Variants in UPP2 observed in about 807,000 individuals in gnomAD.
The protein encoded by UPP2 is uridine phosphorylase 2.
In UPP2, 23 loss-of-function variants were observed where a neutral mutation model predicts 26.7. The ratio of observed to expected loss-of-function variants is 0.86; its 90% CI spans 0.62 to 1.22. The LOEUF (loss-of-function observed/expected upper bound fraction) is 1.22. Among genes scored for constraint, UPP2 ranks in the 50% most tolerant of loss-of-function variants. The pLI is 0.00. For synonymous variants in UPP2, 127 were observed against 141.3 expected (o/e 0.90, Z 0.72); for missense variants, 387 against 396.7 (o/e 0.98, Z 0.21).
chr2:158,010,803 T>A (rs1195941073), intron 2 of UPP2, among the ~76,000 whole-genome samples: 1 of 148,350 alleles, frequency 6.7e-6, no homozygotes, highest in Non-Finnish European at 1.5e-5. Flanking sequence ...TCTCGCTCTG[T>A]CACCCAGGCT....
chr2:158,120,939 G>T (rs1223873456), intron 4 of UPP2, among the ~76,000 whole-genome samples: 1 of 151,960 alleles, frequency 6.6e-6, no homozygotes, highest in African/African-American at 2.4e-5. Context: ...TCAGCCAAGA[G>T]CCCTGATTTA....
chr2:158,134,702 A>G, intron 6 of UPP2, 46 bp from the exon 7 acceptor site: 1 of 1,538,904 alleles, frequency 6.5e-7, no homozygotes, highest in Non-Finnish European at 8.8e-7. Context: ...TTCTATAGAA[A>G]AGATGAACCC....
chr2:158,108,297 G>A (rs1683236879), intron 2 of UPP2, among the ~76,000 whole-genome samples: 1 of 152,026 alleles, frequency 6.6e-6, no homozygotes, highest in East Asian at 1.9e-4. Context: ...AGAAAACACA[G>A]GCTCAAATAT....
chr2:158,021,116 T>C lies in UPP2; in HGVS notation c.147+5230T>C, dbSNP rs924942203. ...TTTTAAATAAAGAAAATAAAATACATAGGATTACAGAGGAAACTGTATCAA... is the reference window on the plus strand; with the variant it reads ...TTTTAAATAAAGAAAATAAAATACACAGGATTACAGAGGAAACTGTATCAA... On this transcript the variant is annotated intron_variant, in intron 3 of 9. Coordinates refer to the UPP2 transcript ENST00000605860. Among the ~76,000 whole-genome samples, 9 of 152,136 alleles carry C rather than the reference T, an allele frequency of 5.9e-5. No homozygotes were observed. In the South Asian group the frequency reaches 1.0e-3, roughly 18 times the overall value.
At chr2:158,002,700 C>G (rs1683427591) in intron 2 of UPP2, among the ~76,000 whole-genome samples, 1 of 152,218 alleles carries the variant, frequency 6.6e-6, no homozygotes, top group South Asian at 2.1e-4. Flanking sequence ...TTTTCACAGC[C>G]TTTGTCTTTC....
intron 3 of UPP2, among the ~76,000 whole-genome samples, chr2:158,043,012 T>G (rs1684102380): frequency 6.6e-6 from 1 of 152,168 alleles, no homozygotes; most frequent in South Asian, 2.1e-4. Flanking sequence ...TCACCACATC[T>G]TAAGGTAGCC....
chr2:158,038,903 C>A (rs563230136), intron 3 of UPP2, among the ~76,000 whole-genome samples: 1 of 152,162 alleles, frequency 6.6e-6, no homozygotes, highest in Admixed American at 6.5e-5. Flanking sequence ...TAGGTTCCAT[C>A]GGGGCATCCA....
At chr2:158,118,740 T>A (rs1458557562) in intron 4 of UPP2, among the ~76,000 whole-genome samples, 3 of 151,844 alleles carry the variant, frequency 2.0e-5, no homozygotes, top group Admixed American at 6.6e-5. Context: ...GGGCTGAGAT[T>A]TGGGAAGAGA....
chr2:158,010,618 G>A (rs545556579), intron 2 of UPP2, among the ~76,000 whole-genome samples: 2 of 152,250 alleles, frequency 1.3e-5, no homozygotes, highest in South Asian at 2.1e-4. Flanking sequence ...AATTTAAAAG[G>A]CCAAAAACTG....
chr2:158,115,248 C>A lies in UPP2; in HGVS notation c.328C>A (p.Leu110Ile), dbSNP rs745823382. ...RYCMYKTGPVLAISHGMGIPS... is the reference protein window; with the variant it reads ...RYCMYKTGPVIAISHGMGIPS... ...CTGTATGTACAAAACCGGGCCTGTG[C>A]TCGCCATCAGTGTAAGTATCCATGG... The change falls in exon 3 of 7, where the codon CTC becomes ATC. Residue 110 changes from leucine to isoleucine, a missense_variant. Transcript: ENST00000005756. 1 of 1,608,550 alleles carries A rather than the reference C, an allele frequency of 6.2e-7. No individual in the cohort carries two copies. The highest frequency in any genetic ancestry group is 1.1e-5 in the South Asian group (1 of 90,138).
chr2:158,116,411 TA>T (rs1233614957), intron 3 of UPP2, among the ~76,000 whole-genome samples: 3 of 152,074 alleles, frequency 2.0e-5, no homozygotes, highest in African/African-American at 7.2e-5. Context: ...AAATAAGCAG[TA>T]AAACTTCACA....
chr2:158,034,356 G>A (rs1358872402), intron 3 of UPP2, among the ~76,000 whole-genome samples: 1 of 152,174 alleles, frequency 6.6e-6, no homozygotes. Context: ...CAGAAGCCAA[G>A]GTCCTGGCTC....
At chr2:158,045,929 G>A (rs1353461820) in intron 3 of UPP2, among the ~76,000 whole-genome samples, 1 of 152,104 alleles carries the variant, frequency 6.6e-6, no homozygotes, top group East Asian at 1.9e-4. Context: ...CATGGCTGTG[G>A]AGACTAGAGG....
intron 3 of UPP2, among the ~76,000 whole-genome samples, chr2:158,087,172 T>C (rs1310784868): frequency 6.6e-6 from 1 of 152,192 alleles, no homozygotes; most frequent in Non-Finnish European, 1.5e-5. Flanking sequence ...GGCACTCCAA[T>C]GTTAGGTGCA....
In UPP2 at chr2:158,024,333, C is replaced by A. The variant is rs116241488; in HGVS notation, c.147+8447C>A. On this transcript the variant is annotated intron_variant, in intron 3 of 9. Transcript: ENST00000605860. ...GCCATTTAGAATAGCTTTCTTGCCC[C>A]CAAACTGCCAGGATATCACTACAAG... 5.8e-3 allele frequency among the ~76,000 whole-genome samples: 882 copies of A among 152,274 alleles called. 5 individuals carry two copies. Among genetic ancestry groups the A allele is most frequent in the South Asian group, 0.024 (118 of 4,828 alleles).
intron 4 of UPP2, 124 bp downstream of exon 4, chr2:158,118,062 TG>T: frequency 1.3e-6 from 1 of 761,482 alleles, no homozygotes; most frequent in Non-Finnish European, 2.2e-6. Context: ...GTCAGAAGGC[TG>T]GACTTGAGGA....
Position 158,123,795 on chromosome 2 carries a change from A to T in UPP2, c.711A>T (p.Lys237Asn). 1 of 1,614,114 alleles carries T rather than the reference A, an allele frequency of 6.2e-7. No individual in the cohort carries two copies. The highest frequency in any genetic ancestry group is 8.5e-7 in the Non-Finnish European group (1 of 1,179,952). Residue 237 changes from lysine (K) to asparagine (N), a missense_variant, in exon 6 of 7, where the codon AAA (lysine) becomes AAT (asparagine). Transcript: ENST00000005756. ...DGALCSFSRE[K>N]KLDYLKRAFK... is the part of the protein sequence containing the mutation. The stretch of plus-strand genomic sequence containing the variant: ...CACTGTGCTCCTTTTCCAGAGAAAA[A>T]AAGTTAGACTACTTGAAGAGAGCAT...
In UPP2 at chr2:158,136,070, T is replaced by A. The variant is rs1012674599; in HGVS notation, c.*1180T>A. 4.6e-5 allele frequency: 7 copies of A among 152,174 alleles called. No individual in the cohort carries two copies. The highest frequency in any genetic ancestry group is 1.7e-4 in the African/African-American group (7 of 41,434). The allele number at this position is 152,174 out of a possible 1,614,324, so 9.4% of individuals were successfully genotyped here. A position where few individuals can be genotyped will look rare whatever the true frequency, so the allele number is the denominator to read the frequency against. The stretch of plus-strand genomic sequence containing the variant: ...GGTTGAGTCTGAATTGGCCTGCTCC[T>A]GGGTGGGGAATGTCTTTCTCTTTCA... On this transcript the variant is annotated 3_prime_UTR_variant, in exon 7 of 7. Transcript: ENST00000005756.
chr2:158,007,629 CTTT>C (rs201694046), intron 2 of UPP2, among the ~76,000 whole-genome samples: 4 of 142,608 alleles, frequency 2.8e-5, no homozygotes, highest in Non-Finnish European at 3.1e-5. Context: ...CTCTCTCTCT[CTTT>C]TTTTTTTTTT....
Sources: gnomAD v4.1 joint callset for allele counts (sites outside exome capture counted in the v4.1 genomes callset) on GRCh38, gnomAD v4.1.1 for gene constraint, MANE v1.5 for transcripts, NCBI Gene and HGNC (gene_info 2026-07-23, HGNC 2026-07-21) for gene names.